PLCB1: variants seen among roughly 807,000 people sequenced by gnomAD.
PLCB1 encodes 1-phosphatidylinositol 4,5-bisphosphate phosphodiesterase beta-1.
A neutral mutation model predicts 161.8 loss-of-function variants in PLCB1; 46 were observed. That is an observed-to-expected ratio of 0.28 (90% CI 0.22 to 0.36). The LOEUF is 0.36. Among genes scored for constraint, PLCB1 ranks in the 10% least tolerant of loss-of-function variants. The pLI, the probability that PLCB1 is intolerant of heterozygous loss-of-function variation, is 1.00. For synonymous variants in PLCB1, 517 were observed against 503.7 expected (o/e 1.03, Z -0.35); for missense variants, 1,016 against 1,472.5 (o/e 0.69, Z 5.07).
At chr20:8,402,940 T>C (rs1042588728) in intron 3 of PLCB1, among the ~76,000 whole-genome samples, 2 of 152,168 alleles carry the variant, frequency 1.3e-5, no homozygotes, top group African/African-American at 4.8e-5. Context: ...CCTCCTTATT[T>C]CTAAATTTTA....
chr20:8,536,656 A>G (rs1033551033), intron 3 of PLCB1, among the ~76,000 whole-genome samples: 1 of 152,166 alleles, frequency 6.6e-6, no homozygotes, highest in African/African-American at 2.4e-5. Context: ...TCCTGACAGC[A>G]GAGTAGCCAG....
intron 2 of PLCB1, among the ~76,000 whole-genome samples, chr20:8,219,603 C>T (rs1255889326): frequency 6.6e-6 from 1 of 152,148 alleles, no homozygotes; most frequent in African/African-American, 2.4e-5. Context: ...CTCTTTAAAT[C>T]TTTGTAAACA....
At chr20:8,564,798 C>T (rs930013308) in intron 3 of PLCB1, among the ~76,000 whole-genome samples, 1 of 152,146 alleles carries the variant, frequency 6.6e-6, no homozygotes, top group African/African-American at 2.4e-5. Context: ...TACCATCTAA[C>T]ACCAGTTGGA....
At chr20:8,789,357 C>T (rs541628565) in intron 29 of PLCB1, among the ~76,000 whole-genome samples, 161 bp from the exon 30 acceptor site, 1 of 151,922 alleles carries the variant, frequency 6.6e-6, no homozygotes, top group Non-Finnish European at 1.5e-5. Context: ...CTACCATGGG[C>T]AACAGAGCGA....
At chr20:8,147,390 T>G (rs2051464029) in intron 1 of PLCB1, among the ~76,000 whole-genome samples, 1 of 152,172 alleles carries the variant, frequency 6.6e-6, no homozygotes, top group African/African-American at 2.4e-5. Context: ...CATTCTACAG[T>G]CAAAGGTCCC....
chr20:8,689,248 G>A (rs143564616), intron 10 of PLCB1, among the ~76,000 whole-genome samples: 212 of 152,220 alleles, frequency 1.4e-3, no homozygotes, highest in Non-Finnish European at 1.7e-3. Context: ...TTCTAGAGGC[G>A]TCCTTAGGAT....
At chr20:8,306,624 G>C (rs1407121854) in intron 2 of PLCB1, among the ~76,000 whole-genome samples, 1 of 152,184 alleles carries the variant, frequency 6.6e-6, no homozygotes, top group Admixed American at 6.5e-5. Context: ...GCCTAGTGCA[G>C]GCATACAACA....
chr20:8,620,463 G>A (rs963106313), intron 3 of PLCB1, among the ~76,000 whole-genome samples: 1 of 151,938 alleles, frequency 6.6e-6, no homozygotes, highest in African/African-American at 2.4e-5. Context: ...TGTCTGGCTG[G>A]GCACGGTGGC....
At chr20:8,768,024 G>A (rs570965622) in intron 26 of PLCB1, among the ~76,000 whole-genome samples, 2 of 151,964 alleles carry the variant, frequency 1.3e-5, no homozygotes, top group South Asian at 4.2e-4. Context: ...ATGAAAATTA[G>A]CCAGGCATGG....
chr20:8,178,991 C>T (rs541780979), intron 2 of PLCB1, among the ~76,000 whole-genome samples: 20 of 152,154 alleles, frequency 1.3e-4, no homozygotes, highest in African/African-American at 4.8e-4. Context: ...CATTGGTCTA[C>T]GTGTCTATTT....
intron 31 of PLCB1, among the ~76,000 whole-genome samples, chr20:8,848,245 G>C (rs1372445701): frequency 6.6e-6 from 1 of 152,166 alleles, no homozygotes; most frequent in Non-Finnish European, 1.5e-5. Context: ...ATGAGCTTAT[G>C]ATCCTACGGA....
At chr20:8,803,861 T>G (rs567692499) in intron 31 of PLCB1, among the ~76,000 whole-genome samples, 5 of 152,178 alleles carry the variant, frequency 3.3e-5, no homozygotes, top group East Asian at 3.9e-4. Flanking sequence ...TGGCGCAATC[T>G]CAGCTCACCA....
intron 9 of PLCB1, among the ~76,000 whole-genome samples, chr20:8,659,291 A>G (rs1310986730): frequency 1.3e-5 from 2 of 152,156 alleles, no homozygotes; most frequent in African/African-American, 4.8e-5. Flanking sequence ...AGAAATTTAT[A>G]TTTTTGATTC....
At chr20:8,690,990 C>T (rs2123413819) in intron 10 of PLCB1, among the ~76,000 whole-genome samples, 1 of 152,226 alleles carries the variant, frequency 6.6e-6, no homozygotes, top group South Asian at 2.1e-4. Context: ...ATTTATTTTC[C>T]TGCAAGGAAA....
chr20:8,582,999 A>AAG (rs1986882164), intron 3 of PLCB1, among the ~76,000 whole-genome samples: 2 of 151,836 alleles, frequency 1.3e-5, no homozygotes, highest in Non-Finnish European at 2.9e-5. Context: ...AAAAAAAAAA[A>AAG]AAAAGAAAAG....
At position 8,670,751 on chromosome 20, in the gene PLCB1, C is replaced by T. The variant is rs148224581; in HGVS notation, c.862+12047C>T. Among the ~76,000 whole-genome samples, 59 of 152,146 alleles carry T rather than the reference C, an allele frequency of 3.9e-4. 1 individual carries two copies. In the East Asian group the frequency reaches 8.9e-3, roughly 23 times the overall value. On this transcript the variant is annotated intron_variant, in intron 9 of 31. Coordinates refer to ENST00000338037, the MANE Select transcript of PLCB1 (RefSeq NM_015192.4). ...CCAGTGTGATAGGAAAGTTTGTGCCCGGGCAAAGATAACTGAGAAGGGAAC... is the reference window on the plus strand; with the variant it reads ...CCAGTGTGATAGGAAAGTTTGTGCCTGGGCAAAGATAACTGAGAAGGGAAC...
chr20:8,577,962 TA>T (rs981062579), intron 3 of PLCB1, among the ~76,000 whole-genome samples: 5 of 152,198 alleles, frequency 3.3e-5, no homozygotes, highest in African/African-American at 9.6e-5. Context: ...TAAACAAGCC[TA>T]AAAAAATTGC....
chr20:8,644,439 G>C (rs1295129867), intron 4 of PLCB1, among the ~76,000 whole-genome samples: 3 of 146,946 alleles, frequency 2.0e-5, no homozygotes, highest in Non-Finnish European at 3.0e-5. Context: ...GAGCGCCTCT[G>C]CCCCGCCGCC....
chr20:8,795,669 G>C (rs1474888475), intron 31 of PLCB1, among the ~76,000 whole-genome samples: 1 of 152,046 alleles, frequency 6.6e-6, no homozygotes, highest in Admixed American at 6.6e-5. Flanking sequence ...CCATACCTGG[G>C]TTTGCCAAAG....
Sources: allele counts gnomAD v4.1 joint callset (sites outside exome capture counted in the v4.1 genomes callset), GRCh38; gene constraint gnomAD v4.1.1; transcripts MANE v1.5; gene names NCBI Gene and HGNC (gene_info 2026-07-23, HGNC 2026-07-21).